The following NRG1 variants were observed in gnomAD, a reference collection of about 807,000 sequenced individuals.
NRG1 encodes pro-neuregulin-1, membrane-bound isoform.
NRG1 carries 18 observed loss-of-function variants against 63.8 expected under a neutral mutation model. The observed-to-expected ratio is 0.28, with a 90% CI of 0.19 to 0.42. NRG1 has a LOEUF of 0.42. Ranked by LOEUF, NRG1 falls within the 10% of genes least tolerant of loss-of-function variation. The pLI is 1.00. For synonymous variants in NRG1, 302 were observed against 301.3 expected, an observed-to-expected ratio of 1.00 and a Z score of -0.02; for missense variants, 762 against 814.7, an observed-to-expected ratio of 0.94 and a Z score of 0.79.
chr8:32,510,125 A>AATAATCATC (rs1554566714), intron 1 of NRG1, among the ~76,000 whole-genome samples: 9 of 147,994 alleles, frequency 6.1e-5, no homozygotes, highest in African/African-American at 2.2e-4. Flanking sequence ...TAATAATAAT[A>AATAATCATC]ATCATAAAAG....
intron 1 of NRG1, among the ~76,000 whole-genome samples, chr8:32,486,990 A>C (rs1825980511): frequency 6.6e-6 from 1 of 152,172 alleles, no homozygotes; most frequent in Non-Finnish European, 1.5e-5. Flanking sequence ...AGTTAATAGC[A>C]GGTGTCTGAT....
intron 1 of NRG1, among the ~76,000 whole-genome samples, chr8:31,647,035 A>G (rs368382339): frequency 1.8e-4 from 28 of 152,360 alleles, no homozygotes; most frequent in Non-Finnish European, 2.8e-4. Flanking sequence ...AAAGTACAGA[A>G]GAGTTTTGCT....
chr8:31,675,616 C>T (rs527522773), intron 1 of NRG1, among the ~76,000 whole-genome samples: 2 of 152,182 alleles, frequency 1.3e-5, no homozygotes, highest in East Asian at 3.9e-4. Flanking sequence ...TAGAAGGCAT[C>T]TCTTGTTTAT....
At chr8:31,947,216 C>T (rs1025735497) in intron 1 of NRG1, among the ~76,000 whole-genome samples, 1 of 149,256 alleles carries the variant, frequency 6.7e-6, no homozygotes, top group Admixed American at 6.7e-5. Context: ...AGGAGAATGG[C>T]GTGAACCCGG....
intron 5 of NRG1, among the ~76,000 whole-genome samples, chr8:32,689,414 T>C (rs570558048): frequency 6.6e-6 from 1 of 152,298 alleles, no homozygotes; most frequent in East Asian, 1.9e-4. Context: ...AAAGATTGCT[T>C]CTAGAACTAA....
Position 32,745,156 on chromosome 8 carries a change from T to C in NRG1, c.691+2423T>C, listed in dbSNP as rs574149552. On this transcript the variant is annotated intron_variant, in intron 7 of 11. Transcript: ENST00000356819. Reference sequence around the variant, plus strand: ...CTACATAGAAGTCAGAAAAATAAATTTGTGCTGCTCTAAGAACTTTATGTT... The same window carrying C: ...CTACATAGAAGTCAGAAAAATAAATCTGTGCTGCTCTAAGAACTTTATGTT... Among the ~76,000 whole-genome samples the C allele has an allele frequency of 2.9e-3, 435 of 152,186 alleles. 1 individual carries two copies. Among genetic ancestry groups the C allele is most frequent in the Middle Eastern group, 6.8e-3 (2 of 294 alleles).
chr8:32,269,777 T>G (rs1360114066), intron 1 of NRG1, among the ~76,000 whole-genome samples: 1 of 152,146 alleles, frequency 6.6e-6, no homozygotes, highest in African/African-American at 2.4e-5. Context: ...AATAATTAGC[T>G]GAGTCATGAA....
chr8:32,728,320 T>C (rs1035882526), intron 6 of NRG1: 28 of 983,840 alleles, frequency 2.8e-5, no homozygotes, highest in Non-Finnish European at 3.4e-5. Flanking sequence ...TTTTTGTTTT[T>C]TGCCATGTTA....
chr8:32,364,797 C>T (rs1807716213), intron 1 of NRG1, among the ~76,000 whole-genome samples: 1 of 152,044 alleles, frequency 6.6e-6, no homozygotes. Flanking sequence ...ACTGATATAT[C>T]AAAGTGTCTG....
chr8:31,932,219 A>G (rs428051), intron 1 of NRG1, among the ~76,000 whole-genome samples: 137,402 of 152,192 alleles, frequency 0.9, 62,855 homozygotes, highest in African/African-American at 0.98. Context: ...TGGGTGAAAT[A>G]TGCTTCGTAA....
chr8:32,084,386 A>G (rs886922287), intron 1 of NRG1, among the ~76,000 whole-genome samples: 2 of 152,180 alleles, frequency 1.3e-5, no homozygotes, highest in Non-Finnish European at 1.5e-5. Context: ...GGAAAGTTCT[A>G]TAAATAAGGA....
chr8:32,568,176 A>G (rs978013534), intron 1 of NRG1, among the ~76,000 whole-genome samples: 1 of 152,232 alleles, frequency 6.6e-6, no homozygotes, highest in Admixed American at 6.5e-5. Flanking sequence ...CTTATTTGCA[A>G]TAGAGCTCAT....
chr8:32,593,313 A>G (rs16879600), intron 1 of NRG1, among the ~76,000 whole-genome samples: 6,171 of 152,188 alleles, frequency 0.041, 415 homozygotes, highest in African/African-American at 0.14. Context: ...TTTTTTTAAT[A>G]TGTGTAAACC....
intron 1 of NRG1, among the ~76,000 whole-genome samples, chr8:32,486,234 A>G (rs1205022706): frequency 6.6e-6 from 1 of 152,160 alleles, no homozygotes; most frequent in Non-Finnish European, 1.5e-5. Context: ...ACCCAGCCTC[A>G]GAATTTCTTA....
chr8:32,196,118 AGTGT>A (rs55951634), intron 1 of NRG1, among the ~76,000 whole-genome samples: 2,421 of 146,934 alleles, frequency 0.016, 49 homozygotes, highest in African/African-American at 0.051. Flanking sequence ...AAAAACAATG[AGTGT>A]GTGTGTGTGT....
intron 1 of NRG1, among the ~76,000 whole-genome samples, chr8:32,482,648 C>A (rs781076374): frequency 2.6e-5 from 4 of 152,060 alleles, no homozygotes; most frequent in Non-Finnish European, 5.9e-5. Flanking sequence ...GTGGGATAAG[C>A]CCAGTCCTTC....
chr8:32,565,955 G>A (rs1315308276), intron 1 of NRG1, among the ~76,000 whole-genome samples: 7 of 152,092 alleles, frequency 4.6e-5, no homozygotes, highest in Non-Finnish European at 8.8e-5. Context: ...GAAACTTACC[G>A]AGTTCGTGGC....
intron 1 of NRG1, among the ~76,000 whole-genome samples, chr8:32,529,773 A>G: frequency 6.6e-6 from 1 of 152,202 alleles, no homozygotes; most frequent in African/African-American, 2.4e-5. Context: ...ACAGTAACAC[A>G]CACGGAGCTG....
At chr8:31,785,057 G>C (rs1820045827) in intron 1 of NRG1, among the ~76,000 whole-genome samples, 1 of 152,124 alleles carries the variant, frequency 6.6e-6, no homozygotes, top group South Asian at 2.1e-4. Flanking sequence ...AAGTCCACAA[G>C]AAGGCTTTTC....
Sources: allele counts gnomAD v4.1 joint callset (sites outside exome capture counted in the v4.1 genomes callset), GRCh38; gene constraint gnomAD v4.1.1; transcripts MANE v1.5; gene names NCBI Gene and HGNC (gene_info 2026-07-23, HGNC 2026-07-21).